The following HPSE2 variants were observed in gnomAD, a reference collection of about 807,000 sequenced individuals.
HPSE2 encodes the protein inactive heparanase-2.
A neutral mutation model predicts 60.5 loss-of-function variants in HPSE2; 38 were observed. The ratio of observed to expected loss-of-function variants is 0.63; its 90% CI spans 0.48 to 0.82. HPSE2 has a LOEUF of 0.82. Among genes scored for constraint, HPSE2 ranks in the 40% least tolerant of loss-of-function variants. HPSE2 has a pLI of 0.00. For missense variants in HPSE2, 713 were observed against 740.4 expected, an observed-to-expected ratio of 0.96 and a Z score of 0.43; for synonymous variants, 295 against 293.2, an observed-to-expected ratio of 1.01 and a Z score of -0.06.
At chr10:99,253,843 CA>C in the HPSE2 span, among the ~76,000 whole-genome samples, 1 of 152,144 alleles carries the variant, frequency 6.6e-6, no homozygotes, top group East Asian at 1.9e-4. Context: ...AGGCAGCCAA[CA>C]AGCATTTAAG....
At chr10:98,816,069 C>T (rs909384341) in intron 3 of HPSE2, among the ~76,000 whole-genome samples, 1 of 150,114 alleles carries the variant, frequency 6.7e-6, no homozygotes, top group South Asian at 2.1e-4. Flanking sequence ...AGGAGATATA[C>T]CTAATGCTAA....
intron 3 of HPSE2, among the ~76,000 whole-genome samples, chr10:98,943,761 G>A (rs570357909): frequency 6.6e-6 from 1 of 152,254 alleles, no homozygotes; most frequent in East Asian, 1.9e-4. Flanking sequence ...AGCTAGATAG[G>A]AACTGAGGAC....
intron 9 of HPSE2, among the ~76,000 whole-genome samples, chr10:98,534,048 G>A (rs1020370399): frequency 1.7e-4 from 26 of 152,138 alleles, no homozygotes; most frequent in African/African-American, 5.8e-4. Flanking sequence ...GAAATTTACA[G>A]TTTAAAAAGT....
chr10:98,541,661 A>G (rs1943465868), intron 9 of HPSE2, among the ~76,000 whole-genome samples: 2 of 152,190 alleles, frequency 1.3e-5, no homozygotes, highest in Non-Finnish European at 2.9e-5. Flanking sequence ...ACACCAGGAG[A>G]TTACATCCCA....
intron 9 of HPSE2, among the ~76,000 whole-genome samples, chr10:98,547,674 A>C: frequency 1.2e-5 from 1 of 84,716 alleles, no homozygotes; most frequent in East Asian, 4.1e-4. Context: ...GGGAGGGGGG[A>C]GGGATGGCAT....
intron 3 of HPSE2, among the ~76,000 whole-genome samples, chr10:99,041,672 A>G (rs1008704518): frequency 6.6e-6 from 1 of 152,136 alleles, no homozygotes; most frequent in Admixed American, 6.5e-5. Context: ...AGTGCTGAGG[A>G]GTGCACGGAT....
At chr10:99,310,157 A>G in the HPSE2 span, among the ~76,000 whole-genome samples, 2 of 152,224 alleles carry the variant, frequency 1.3e-5, no homozygotes, top group Non-Finnish European at 2.9e-5. Flanking sequence ...TTATGATAGC[A>G]TTTAGGGCCC....
rs10786427 is a variant in HPSE2 at position 98,458,625 on chromosome 10, G to A, written c.*949C>T. 80,373 of 151,924 alleles carry A rather than the reference G, an allele frequency of 0.53. 21,597 individuals carry two copies. The highest frequency in any genetic ancestry group is 0.62 in the African/African-American group (25,530 of 41,440). 9.4% of individuals were successfully genotyped at this position (151,924 alleles called of 1,614,324 possible). A position where few individuals can be genotyped will look rare whatever the true frequency, so the allele number is the denominator to read the frequency against. Reference sequence around the variant, plus strand: ...TGATTTGAGTTAACCAAACAATTAAGGGCTTACCCTATAGAGCCCCTAATA... The same window carrying A: ...TGATTTGAGTTAACCAAACAATTAAAGGCTTACCCTATAGAGCCCCTAATA... On this transcript the variant is annotated 3_prime_UTR_variant, in exon 12 of 12. Coordinates refer to ENST00000370552, the MANE Select transcript of HPSE2 (RefSeq NM_021828.5).
chr10:99,266,093 T>C, the HPSE2 span, among the ~76,000 whole-genome samples: 4 of 152,122 alleles, frequency 2.6e-5, no homozygotes, highest in Admixed American at 6.5e-5. Context: ...CAGTTGAACT[T>C]TGTAACAATT....
intron 8 of HPSE2, among the ~76,000 whole-genome samples, chr10:98,619,327 A>C (rs1360972478): frequency 6.6e-6 from 1 of 152,206 alleles, no homozygotes; most frequent in African/African-American, 2.4e-5. Context: ...GCCACATGAC[A>C]CTGGCAGGCT....
At chr10:98,571,879 A>G (rs1944503407) in intron 9 of HPSE2, among the ~76,000 whole-genome samples, 1 of 151,910 alleles carries the variant, frequency 6.6e-6, no homozygotes, top group South Asian at 2.1e-4. Context: ...TCAGATTTCT[A>G]TCTATCTATT....
At chr10:98,542,272 C>A (rs1254074895) in intron 9 of HPSE2, among the ~76,000 whole-genome samples, 2 of 151,786 alleles carry the variant, frequency 1.3e-5, no homozygotes, top group African/African-American at 4.8e-5. Context: ...AGGGTCCTGT[C>A]TGCTAGAAGG....
chr10:99,099,490 G>A (rs1352919279), intron 3 of HPSE2, among the ~76,000 whole-genome samples: 1 of 152,230 alleles, frequency 6.6e-6, no homozygotes, highest in Non-Finnish European at 1.5e-5. Context: ...AACAAAGCAG[G>A]CTGGAAGCTT....
chr10:99,102,999 A>T (rs1371755149), intron 3 of HPSE2, among the ~76,000 whole-genome samples: 1 of 152,214 alleles, frequency 6.6e-6, no homozygotes, highest in Non-Finnish European at 1.5e-5. Flanking sequence ...AATAAGAGCT[A>T]TTTATGACAA....
At chr10:98,574,002 A>T (rs917331001) in intron 9 of HPSE2, among the ~76,000 whole-genome samples, 2 of 152,074 alleles carry the variant, frequency 1.3e-5, no homozygotes, top group Non-Finnish European at 1.5e-5. Context: ...AATATTTTTT[A>T]CCCCAAAAAG....
chr10:98,653,502 C>T (rs1347990039), intron 6 of HPSE2, among the ~76,000 whole-genome samples: 3 of 149,722 alleles, frequency 2.0e-5, no homozygotes, highest in African/African-American at 7.4e-5. Flanking sequence ...TCTTAGTATA[C>T]TATTATATTT....
intron 9 of HPSE2, among the ~76,000 whole-genome samples, chr10:98,614,543 T>G (rs912837733): frequency 1.3e-5 from 2 of 152,116 alleles, no homozygotes; most frequent in African/African-American, 4.8e-5. Flanking sequence ...CCACCCGCCT[T>G]GGCCTCCCAA....
chr10:99,231,327 T>A (rs560449718), intron 2 of HPSE2, among the ~76,000 whole-genome samples: 1 of 152,162 alleles, frequency 6.6e-6, no homozygotes. Flanking sequence ...CCTTTACATA[T>A]AAAACTAGTT....
At chr10:99,107,239 A>G (rs935193843) in intron 3 of HPSE2, among the ~76,000 whole-genome samples, 1 of 152,206 alleles carries the variant, frequency 6.6e-6, no homozygotes, top group Non-Finnish European at 1.5e-5. Context: ...TCTGATATTA[A>G]TCTGATAATA....
Sources: allele counts gnomAD v4.1 joint callset (sites outside exome capture counted in the v4.1 genomes callset), GRCh38; gene constraint gnomAD v4.1.1; transcripts MANE v1.5; gene names NCBI Gene and HGNC (gene_info 2026-07-23, HGNC 2026-07-21).